The following THSD7A variants were observed in gnomAD, a reference collection of about 807,000 sequenced individuals.
The protein encoded by THSD7A is thrombospondin type-1 domain-containing protein 7A.
Under a neutral mutation model 231.3 loss-of-function variants are expected in THSD7A, and 96 were observed. That is an observed-to-expected ratio of 0.41 (90% confidence interval 0.35 to 0.49). THSD7A has a LOEUF of 0.49. Ranked by LOEUF, THSD7A falls within the 20% of genes least tolerant of loss-of-function variation. The pLI, the probability that THSD7A is intolerant of heterozygous loss-of-function variation, is 0.05. For synonymous variants in THSD7A, 940 were observed against 743.3 expected (o/e 1.26, Z -4.30); for missense variants, 2,290 against 2,070.2 (o/e 1.11, Z -2.06).
At position 11,651,486 on chromosome 7, in the gene THSD7A, A is replaced by ACTATCTATCTAT. The variant is rs3031459; in HGVS notation, c.191-14537_191-14526dup. 8.8e-3 allele frequency among the ~76,000 whole-genome samples: 1,312 copies of ACTATCTATCTAT among 149,770 alleles called. 8 individuals carry two copies. Among genetic ancestry groups the ACTATCTATCTAT allele is most frequent in the Admixed American group, 0.013 (187 of 14,930 alleles). ...CCATCTATTATCTATCTATCTATCA[A>ACTATCTATCTAT]CTATCTATCTATCTATCTATCTATC... On this transcript the variant is annotated intron_variant, in intron 1 of 27. Transcript: ENST00000423059.
intron 1 of THSD7A, among the ~76,000 whole-genome samples, chr7:11,764,742 A>G (rs1016865546): frequency 3.9e-5 from 6 of 152,118 alleles, no homozygotes; most frequent in Non-Finnish European, 7.3e-5. Flanking sequence ...AATGGATTAT[A>G]TTAGGATTAT....
chr7:11,703,830 G>C (rs978360475), intron 1 of THSD7A, among the ~76,000 whole-genome samples: 4 of 151,036 alleles, frequency 2.6e-5, no homozygotes, highest in African/African-American at 9.7e-5. Flanking sequence ...TATCATTTTT[G>C]AAAGAGGAGC....
chr7:11,759,893 T>A (rs564003472), intron 1 of THSD7A, among the ~76,000 whole-genome samples: 1 of 152,066 alleles, frequency 6.6e-6, no homozygotes, highest in African/African-American at 2.4e-5. Flanking sequence ...CATAGAGAAG[T>A]TAGTGACCTA....
chr7:11,379,462 G>A (rs945265522), intron 25 of THSD7A, 168 bp downstream of exon 25: 2 of 852,818 alleles, frequency 2.3e-6, no homozygotes, highest in South Asian at 1.8e-5. Flanking sequence ...TATTCTAAAG[G>A]TGAAAGCAAG....
intron 4 of THSD7A, among the ~76,000 whole-genome samples, chr7:11,573,943 G>C (rs1218292988): frequency 2.0e-5 from 3 of 152,136 alleles, no homozygotes; most frequent in East Asian, 3.9e-4. Flanking sequence ...ATCAATTCAA[G>C]ATCATGGAGC....
In THSD7A at chr7:11,527,057, T is replaced by C. The variant is rs142547037; in HGVS notation, c.1822+14362A>G. 2.7e-3 allele frequency among the ~76,000 whole-genome samples: 408 copies of C among 152,294 alleles called. 1 individual carries two copies. The highest frequency in any genetic ancestry group is 9.3e-3 in the African/African-American group (388 of 41,550). On this transcript the variant is annotated intron_variant, in intron 6 of 27. Coordinates refer to ENST00000423059, the MANE Select transcript of THSD7A (RefSeq NM_015204.3). ...TTGTTGATAATGTTTAAATGTTGTT[T>C]CTAAGGTCAGAATTTTTCTCCAGTG...
intron 4 of THSD7A, among the ~76,000 whole-genome samples, chr7:11,563,993 G>A (rs999231345): frequency 6.6e-6 from 1 of 152,108 alleles, no homozygotes; most frequent in Non-Finnish European, 1.5e-5. Flanking sequence ...CATTGGAGCG[G>A]TCACTGTCTT....
intron 11 of THSD7A, among the ~76,000 whole-genome samples, chr7:11,459,352 T>C (rs1265092224): frequency 6.6e-6 from 1 of 152,064 alleles, no homozygotes; most frequent in East Asian, 1.9e-4. Flanking sequence ...ACCCAAAATA[T>C]ATGCAAATCA....
chr7:11,617,017 T>A (rs1235669511), intron 2 of THSD7A, among the ~76,000 whole-genome samples: 2 of 152,212 alleles, frequency 1.3e-5, no homozygotes, highest in African/African-American at 2.4e-5. Context: ...TTTAAAAACA[T>A]ATCACAGTGA....
chr7:11,794,308 C>G (rs1583296432), intron 1 of THSD7A, among the ~76,000 whole-genome samples: 1 of 151,898 alleles, frequency 6.6e-6, no homozygotes, highest in East Asian at 1.9e-4. Flanking sequence ...CACTTCAAAG[C>G]TCTGACAGTG....
intron 1 of THSD7A, among the ~76,000 whole-genome samples, chr7:11,786,076 C>CT (rs1370138459): frequency 8.6e-5 from 13 of 150,948 alleles, no homozygotes; most frequent in Admixed American, 7.9e-4. Context: ...TTTTATGAAT[C>CT]ATTCCCTTTT....
At chr7:11,517,355 G>A (rs1221924672) in intron 6 of THSD7A, among the ~76,000 whole-genome samples, 4 of 152,034 alleles carry the variant, frequency 2.6e-5, no homozygotes, top group African/African-American at 7.2e-5. Flanking sequence ...TGGGATTACA[G>A]GCGTGAGCCA....
chr7:11,667,612 A>G (rs1292823908), intron 1 of THSD7A, among the ~76,000 whole-genome samples: 1 of 152,176 alleles, frequency 6.6e-6, no homozygotes, highest in African/African-American at 2.4e-5. Context: ...CTATGACCAC[A>G]TTACAAAAAT....
rs552943440 is a variant in THSD7A, at chr7:11,550,142, C to A, written c.1454-7025G>T. Among the ~76,000 whole-genome samples, 7 of 152,198 alleles carry A rather than the reference C, an allele frequency of 4.6e-5. No individual in the cohort carries two copies. In the East Asian group the frequency reaches 1.4e-3, roughly 29 times the overall value. ...CTGATAAGACACTTCAGCAAACTATCAGGATACAAAATCAATGTATGAAAT... is the reference window on the plus strand; with the variant it reads ...CTGATAAGACACTTCAGCAAACTATAAGGATACAAAATCAATGTATGAAAT... On this transcript the variant is annotated intron_variant, in intron 4 of 27. Coordinates refer to ENST00000423059, the MANE Select transcript of THSD7A (RefSeq NM_015204.3).
chr7:11,577,657 T>G (rs1790974812), intron 4 of THSD7A, among the ~76,000 whole-genome samples: 2 of 150,980 alleles, frequency 1.3e-5, no homozygotes, highest in African/African-American at 2.4e-5. Flanking sequence ...GCTATAATTA[T>G]TATTTTAACA....
intron 26 of THSD7A, 56 bp from the exon 27 acceptor site, chr7:11,376,713 G>C: frequency 7.6e-7 from 1 of 1,321,894 alleles, no homozygotes; most frequent in Non-Finnish European, 1.1e-6. Context: ...ACATGAGGCA[G>C]TCTTTAACTA....
chr7:11,746,740 A>G (rs375306678), intron 1 of THSD7A, among the ~76,000 whole-genome samples: 42 of 151,954 alleles, frequency 2.8e-4, no homozygotes, highest in African/African-American at 9.6e-4. Flanking sequence ...ATATTCCACT[A>G]TAAAGTTATT....
intron 4 of THSD7A, among the ~76,000 whole-genome samples, chr7:11,579,977 G>C (rs1483391757): frequency 6.6e-6 from 1 of 152,100 alleles, no homozygotes; most frequent in Non-Finnish European, 1.5e-5. Flanking sequence ...GAAGCTTAAG[G>C]TTTGGGCCCT....
At chr7:11,432,052 G>A (rs1784492530) in intron 13 of THSD7A, among the ~76,000 whole-genome samples, 1 of 152,092 alleles carries the variant, frequency 6.6e-6, no homozygotes, top group African/African-American at 2.4e-5. Context: ...TGTATTGAAA[G>A]TGTTAAAATA....
Sources: allele counts gnomAD v4.1 joint callset (sites outside exome capture counted in the v4.1 genomes callset), GRCh38; gene constraint gnomAD v4.1.1; transcripts MANE v1.5; gene names NCBI Gene and HGNC (gene_info 2026-07-23, HGNC 2026-07-21).